Variants in SLC44A1 observed in about 807,000 individuals in gnomAD.
The protein encoded by SLC44A1 is solute carrier family 44 member 1.
Under a neutral mutation model 79.3 loss-of-function variants are expected in SLC44A1, and 26 were observed. The ratio of observed to expected loss-of-function variants is 0.33; its 90% CI spans 0.24 to 0.46. The LOEUF is 0.46. SLC44A1 is among the 20% of genes least tolerant of loss of function. SLC44A1 has a pLI of 1.00. For synonymous variants in SLC44A1, 263 were observed against 286.2 expected, an observed-to-expected ratio of 0.92 and a Z score of 0.82; for missense variants, 688 against 798.1, an observed-to-expected ratio of 0.86 and a Z score of 1.66.
At chr9:105,433,862 T>A (rs1829430666) in intron 15 of SLC44A1, among the ~76,000 whole-genome samples, 1 of 152,190 alleles carries the variant, frequency 6.6e-6, no homozygotes, top group South Asian at 2.1e-4. Context: ...TCCAATTAAT[T>A]TTAGTGCTGC....
intron 3 of SLC44A1, among the ~76,000 whole-genome samples, chr9:105,334,920 A>C (rs1826865208): frequency 6.6e-6 from 1 of 152,182 alleles, no homozygotes; most frequent in African/African-American, 2.4e-5. Flanking sequence ...TATCAGTTCA[A>C]AAGTAATTGG....
chr9:105,268,923 A>G lies in SLC44A1; in HGVS notation c.36+24019A>G, dbSNP rs535756996. 1.1e-4 allele frequency among the ~76,000 whole-genome samples: 16 copies of G among 152,298 alleles called. 1 individual carries two copies. The South Asian group carries it at 3.3e-3, about 32-fold the overall frequency. On this transcript the variant is annotated intron_variant, in intron 1 of 15. Coordinates refer to ENST00000374720, the MANE Select transcript of SLC44A1 (RefSeq NM_080546.5). ...CTTTTTCAACAACTTCACTTACGTT[A>G]CCTTGCCGTTCACCAAAAGCTCTTA...
At chr9:105,388,069 CTTCT>C (rs1344029145) in intron 15 of SLC44A1, among the ~76,000 whole-genome samples, 1 of 152,166 alleles carries the variant, frequency 6.6e-6, no homozygotes, top group African/African-American at 2.4e-5. Context: ...CAAAATACAT[CTTCT>C]ATGTGCATTG....
chr9:105,316,119 C>A (rs1041667793), intron 3 of SLC44A1, among the ~76,000 whole-genome samples: 33 of 152,158 alleles, frequency 2.2e-4, no homozygotes, highest in African/African-American at 7.5e-4. Context: ...TAGTCTTGAG[C>A]AAAATAAACA....
chr9:105,378,466 A>G (rs1456871117), intron 13 of SLC44A1, among the ~76,000 whole-genome samples: 1 of 152,164 alleles, frequency 6.6e-6, no homozygotes, highest in African/African-American at 2.4e-5. Context: ...TTGTGTGTAA[A>G]TCTTGCCCAC....
At position 105,394,641 on chromosome 9, in the gene SLC44A1, ATAC is replaced by A. The variant is rs1828840301; in HGVS notation, c.*5590_*5592del. The A allele has an allele frequency of 2.0e-6, 2 of 985,300 alleles. No individual in the cohort carries two copies. Among genetic ancestry groups the A allele is most frequent in the Non-Finnish European group, 2.4e-6 (2 of 829,822 alleles). The allele number at this position is 985,300 out of a possible 1,614,324, so 61.0% of individuals were successfully genotyped here. A position where few individuals can be genotyped will look rare whatever the true frequency, so the allele number is the denominator to read the frequency against. Reference sequence around the variant, plus strand: ...CATTATGTGGCTTAGTGTTATCAGTATACTACTGTCTTAAAATATATTTGTCAA... The same window carrying A: ...CATTATGTGGCTTAGTGTTATCAGTATACTGTCTTAAAATATATTTGTCAA... On this transcript the variant is annotated 3_prime_UTR_variant, in exon 16 of 16. Transcript: ENST00000374720.
chr9:105,381,093 T>C (rs1391934788), intron 13 of SLC44A1, among the ~76,000 whole-genome samples: 1 of 152,188 alleles, frequency 6.6e-6, no homozygotes, highest in Non-Finnish European at 1.5e-5. Context: ...ATACCTTTTT[T>C]CTATAACTAA....
rs906812826 is a variant in SLC44A1, at chr9:105,362,931, A to G, written c.1011A>G (p.Gln337=). The stretch of plus-strand genomic sequence containing the variant: ...TTCACTTGCCACTGCTAGTCTTCCA[A>G]CCCTTCTGGACTTTCTTTGCTCTTG... ...VFIHLPLLVF[Q]PFWTFFALVL... is the part of the protein sequence containing the mutation. Residue 337 remains glutamine (Q), a synonymous_variant, in exon 9 of 16, where the codon CAA becomes CAG. Coordinates refer to ENST00000374720, the MANE Select transcript of SLC44A1 (RefSeq NM_080546.5). 11 of 1,613,792 alleles carry G rather than the reference A, an allele frequency of 6.8e-6. No homozygotes were observed. Among genetic ancestry groups the G allele is most frequent in the Non-Finnish European group, 9.3e-6 (11 of 1,179,896 alleles).
chr9:105,320,069 G>A (rs1826338420), intron 3 of SLC44A1, among the ~76,000 whole-genome samples: 1 of 152,022 alleles, frequency 6.6e-6, no homozygotes, highest in Admixed American at 6.6e-5. Context: ...TCGTAGTATA[G>A]TTTTGTTTTT....
chr9:105,401,003 G>A (rs1828951029), downstream of SLC44A1, among the ~76,000 whole-genome samples: 1 of 152,182 alleles, frequency 6.6e-6, no homozygotes, highest in South Asian at 2.1e-4. Context: ...ACAACCTCCT[G>A]ATGCTGAGAA....
Position 105,352,855 on chromosome 9 carries a change from T to G in SLC44A1, c.501-3357T>G, listed in dbSNP as rs192227365. On this transcript the variant is annotated intron_variant, in intron 5 of 15. Transcript: ENST00000374720. ...GACTCGATTATTACTTAATTTTTTT[T>G]GATAAGAAAACAATTGAAGTATCAA... is the stretch of plus-strand genomic sequence containing the variant. Among the ~76,000 whole-genome samples the G allele has an allele frequency of 1.1e-4, 17 of 152,292 alleles. No individual in the cohort carries two copies. In the South Asian group the frequency reaches 1.4e-3, roughly 13 times the overall value.
At chr9:105,281,730 G>A (rs1419111719) in intron 1 of SLC44A1, among the ~76,000 whole-genome samples, 2 of 152,134 alleles carry the variant, frequency 1.3e-5, no homozygotes, top group Non-Finnish European at 2.9e-5. Flanking sequence ...TCTTAAAATG[G>A]GTTGTTCCTT....
At position 105,313,708 on chromosome 9, in the gene SLC44A1, A is replaced by G. The variant is rs1831241998; in HGVS notation, c.269+3842A>G. 2.6e-5 allele frequency among the ~76,000 whole-genome samples: 4 copies of G among 152,186 alleles called. No homozygotes were observed. The South Asian group carries it at 8.3e-4, about 31-fold the overall frequency. ...TCTACAATCTTTAGGTCTATAATAT[A>G]TAAGTAGGCTTAGAGTATATATGTC... On this transcript the variant is annotated intron_variant, in intron 3 of 15. Coordinates refer to ENST00000374720, the MANE Select transcript of SLC44A1 (RefSeq NM_080546.5).
chr9:105,300,128 TATTTTACAG>T (rs998178558), intron 2 of SLC44A1, among the ~76,000 whole-genome samples: 3 of 152,162 alleles, frequency 2.0e-5, no homozygotes, highest in African/African-American at 7.2e-5. Flanking sequence ...CCATCGCCCT[TATTTTACAG>T]ATTAAAAACA....
chr9:105,299,110 A>G, intron 1 of SLC44A1, 110 bp from the exon 2 acceptor site: 1 of 733,224 alleles, frequency 1.4e-6, no homozygotes, highest in African/African-American at 1.8e-5. Context: ...AAGGTTCAAT[A>G]GAAACTTGTT....
intron 4 of SLC44A1, among the ~76,000 whole-genome samples, chr9:105,336,924 C>T (rs953949344): frequency 1.3e-5 from 2 of 152,122 alleles, no homozygotes; most frequent in Non-Finnish European, 2.9e-5. Flanking sequence ...GTTTCCTCAT[C>T]TGAAAAAATG....
chr9:105,406,252 CAT>C (rs1451855646), intron 15 of SLC44A1, among the ~76,000 whole-genome samples: 2 of 152,188 alleles, frequency 1.3e-5, no homozygotes, highest in South Asian at 2.1e-4. Context: ...CTCTACAATA[CAT>C]AGTTCAGAAA....
At chr9:105,354,332 G>C (rs954190841) in intron 5 of SLC44A1, among the ~76,000 whole-genome samples, 19 of 151,970 alleles carry the variant, frequency 1.3e-4, no homozygotes, top group Non-Finnish European at 2.6e-4. Flanking sequence ...TTACAGGCGT[G>C]AGCCACCGCG....
At chr9:105,300,386 C>A (rs1830846937) in intron 2 of SLC44A1, among the ~76,000 whole-genome samples, 1 of 152,214 alleles carries the variant, frequency 6.6e-6, no homozygotes, top group Admixed American at 6.5e-5. Context: ...TATTTTTAAC[C>A]CCCTTCTTAC....
Sources: allele counts gnomAD v4.1 joint callset (sites outside exome capture counted in the v4.1 genomes callset), GRCh38; gene constraint gnomAD v4.1.1; transcripts MANE v1.5; gene names NCBI Gene and HGNC (gene_info 2026-07-23, HGNC 2026-07-21).